Variants in RANBP2 observed in about 807,000 individuals in gnomAD.
RANBP2 encodes the protein RAN binding protein 2.
RANBP2 carries 57 observed loss-of-function variants against 303.6 expected under a neutral mutation model. The ratio of observed to expected loss-of-function variants is 0.19; its 90% CI spans 0.15 to 0.23. RANBP2 has a LOEUF of 0.23. Among genes scored for constraint, RANBP2 ranks in the 10% least tolerant of loss-of-function variants. The probability of loss-of-function intolerance (pLI) is 1.00; values close to 1 mark genes in which losing one functional copy is unlikely to be tolerated. For missense variants in RANBP2, 3,138 were observed against 3,780.8 expected (o/e 0.83, Z 4.46); for synonymous variants, 1,167 against 1,301.5 (o/e 0.90, Z 2.23).
the RANBP2 span, among the ~76,000 whole-genome samples, chr2:109,467,431 C>G: frequency 2.0e-5 from 3 of 152,114 alleles, no homozygotes; most frequent in African/African-American, 7.2e-5. Flanking sequence ...AAATGCACAC[C>G]CATGTTTAGT....
chr2:109,478,403 C>T, the RANBP2 span, among the ~76,000 whole-genome samples: 1 of 152,352 alleles, frequency 6.6e-6, no homozygotes, highest in South Asian at 2.1e-4. Flanking sequence ...CCTCCAGTCT[C>T]TAAACACCCC....
chr2:108,923,847 C>T, the RANBP2 span, among the ~76,000 whole-genome samples: 14 of 152,378 alleles, frequency 9.2e-5, no homozygotes, highest in African/African-American at 2.9e-4. Flanking sequence ...GGAACATGCC[C>T]TCTGTGAGCA....
chr2:108,819,845 A>G, the RANBP2 span, among the ~76,000 whole-genome samples: 1 of 141,752 alleles, frequency 7.1e-6, no homozygotes, highest in Non-Finnish European at 1.6e-5. Flanking sequence ...TCAGAAACTC[A>G]CCCTAAAGAA....
chr2:109,643,052 A>C, the RANBP2 span, among the ~76,000 whole-genome samples: 46 of 152,156 alleles, frequency 3.0e-4, no homozygotes, highest in South Asian at 3.5e-3. Context: ...GTGATGGCTC[A>C]CATCTATAAG....
the RANBP2 span, chr2:109,613,768 G>A: frequency 2.5e-6 from 3 of 1,214,940 alleles, no homozygotes; most frequent in African/African-American, 1.6e-5. Context: ...GGGAGCGCGG[G>A]GCTGGGGCCC....
At chr2:109,468,338 G>A in the RANBP2 span, among the ~76,000 whole-genome samples, 2 of 152,172 alleles carry the variant, frequency 1.3e-5, no homozygotes, top group African/African-American at 4.8e-5. Flanking sequence ...AGGGGAATGC[G>A]TTGCACTGTG....
At chr2:109,070,672 A>G in the RANBP2 span, among the ~76,000 whole-genome samples, 1 of 152,032 alleles carries the variant, frequency 6.6e-6, no homozygotes. Context: ...CTAGCCTGGG[A>G]AACAGGGTGA....
the RANBP2 span, among the ~76,000 whole-genome samples, chr2:108,950,435 T>G: frequency 6.6e-6 from 1 of 152,174 alleles, no homozygotes. Context: ...GTGATGTCTT[T>G]ATGTAGAGCA....
At chr2:109,419,449 C>G in the RANBP2 span, 65 of 1,321,878 alleles carry the variant, frequency 4.9e-5, no homozygotes, top group African/African-American at 8.0e-4. Context: ...GAAGCACAGG[C>G]ACCTGTGGAT....
the RANBP2 span, among the ~76,000 whole-genome samples, chr2:109,671,414 A>G: frequency 6.6e-6 from 1 of 152,124 alleles, no homozygotes; most frequent in Non-Finnish European, 1.5e-5. Flanking sequence ...TGGCAGCAGC[A>G]GCAAGTCTGG....
the RANBP2 span, among the ~76,000 whole-genome samples, chr2:109,304,101 C>CA: frequency 2.5e-3 from 325 of 128,700 alleles, 2 homozygotes; most frequent in Middle Eastern, 0.016. Context: ...AACTCCATCT[C>CA]AAAAAAAAAA....
At chr2:109,098,376 A>G in the RANBP2 span, among the ~76,000 whole-genome samples, 6 of 152,214 alleles carry the variant, frequency 3.9e-5, no homozygotes, top group Non-Finnish European at 7.3e-5. Context: ...GGAGAGAGAT[A>G]ACAGCCAGTT....
the RANBP2 span, among the ~76,000 whole-genome samples, chr2:109,511,277 C>T: frequency 4.6e-5 from 7 of 152,182 alleles, no homozygotes; most frequent in African/African-American, 1.2e-4. Context: ...AAGCCTGACT[C>T]GGGACTGGAG....
the RANBP2 span, among the ~76,000 whole-genome samples, chr2:109,254,297 G>A: frequency 6.6e-6 from 1 of 152,172 alleles, no homozygotes; most frequent in Non-Finnish European, 1.5e-5. Context: ...GTGGCTTAGA[G>A]TGCAGACCAA....
the RANBP2 span, among the ~76,000 whole-genome samples, chr2:109,321,601 T>C: frequency 1.3e-5 from 2 of 152,248 alleles, no homozygotes; most frequent in South Asian, 4.1e-4. Context: ...AATAGAGGAT[T>C]ACATTTTGCA....
At chr2:109,223,484 A>T in the RANBP2 span, among the ~76,000 whole-genome samples, 3 of 152,190 alleles carry the variant, frequency 2.0e-5, no homozygotes, top group African/African-American at 7.2e-5. Flanking sequence ...TGGCCTGCCC[A>T]TGTCAGTCCT....
chr2:109,324,449 A>G, the RANBP2 span, among the ~76,000 whole-genome samples: 1,342 of 152,338 alleles, frequency 8.8e-3, 26 homozygotes, highest in African/African-American at 0.03. Flanking sequence ...CTTTGTCAAC[A>G]TTCATTATTG....
the RANBP2 span, among the ~76,000 whole-genome samples, chr2:108,995,081 C>T: frequency 3.3e-5 from 5 of 152,048 alleles, no homozygotes; most frequent in Admixed American, 1.3e-4. Flanking sequence ...CCACCCGCCT[C>T]GGTCTCCCAA....
chr2:109,420,800 A>T, the RANBP2 span, among the ~76,000 whole-genome samples: 3 of 152,332 alleles, frequency 2.0e-5, no homozygotes, highest in East Asian at 5.8e-4. Flanking sequence ...GCCAAGCTTC[A>T]AAAGGTCTAG....
Sources: gnomAD v4.1 joint callset for allele counts (sites outside exome capture counted in the v4.1 genomes callset) on GRCh38, gnomAD v4.1.1 for gene constraint, MANE v1.5 for transcripts, NCBI Gene and HGNC (gene_info 2026-07-23, HGNC 2026-07-21) for gene names.